Variants in SGCD observed in about 807,000 individuals in gnomAD.
SGCD encodes the protein sarcoglycan delta.
SGCD carries 18 observed loss-of-function variants against 36.6 expected under a neutral mutation model. The ratio of observed to expected loss-of-function variants is 0.49; its 90% CI spans 0.34 to 0.73. The LOEUF (loss-of-function observed/expected upper bound fraction) is 0.73, where lower values mean the gene tolerates loss of function less well. Among genes scored for constraint, SGCD ranks in the 30% least tolerant of loss-of-function variants. The probability of loss-of-function intolerance (pLI) is 0.01; values close to 1 mark genes in which losing one functional copy is unlikely to be tolerated. For synonymous variants in SGCD, 133 were observed against 130.6 expected (o/e 1.02, Z -0.12); for missense variants, 387 against 346.7 (o/e 1.12, Z -0.92).
intron 1 of SGCD, among the ~76,000 whole-genome samples, chr5:155,933,376 T>C (rs896942070): frequency 1.3e-5 from 2 of 152,238 alleles, no homozygotes; most frequent in African/African-American, 4.8e-5. Flanking sequence ...ACTGCAATGC[T>C]CAATTACTTG....
At chr5:156,407,927 C>A (rs1269795089) in intron 3 of SGCD, among the ~76,000 whole-genome samples, 3 of 152,078 alleles carry the variant, frequency 2.0e-5, no homozygotes, top group Admixed American at 6.5e-5. Context: ...ATGGTGTTGT[C>A]CTTAACATAT....
At chr5:156,732,991 CTA>C (rs1043219133) in intron 7 of SGCD, among the ~76,000 whole-genome samples, 3 of 151,922 alleles carry the variant, frequency 2.0e-5, no homozygotes, top group African/African-American at 7.3e-5. Flanking sequence ...AGCAGTCTAC[CTA>C]TGTTATTAAT....
chr5:156,119,051 C>T (rs1157891868), intron 2 of SGCD, among the ~76,000 whole-genome samples: 1 of 152,126 alleles, frequency 6.6e-6, no homozygotes, highest in African/African-American at 2.4e-5. Context: ...TGACTTGGTG[C>T]TGGGTATACA....
At chr5:156,625,367 G>C (rs1762402036) in intron 6 of SGCD, among the ~76,000 whole-genome samples, 1 of 152,072 alleles carries the variant, frequency 6.6e-6, no homozygotes. Flanking sequence ...AAAAAGTCGT[G>C]ATAAAATAAT....
At chr5:155,862,505 A>T in the SGCD span, among the ~76,000 whole-genome samples, 3 of 151,916 alleles carry the variant, frequency 2.0e-5, no homozygotes, top group Admixed American at 2.0e-4. Flanking sequence ...TTTTTATTTT[A>T]TTTTATTTTT....
chr5:156,566,403 A>G (rs1212246525), intron 4 of SGCD, among the ~76,000 whole-genome samples: 1 of 152,180 alleles, frequency 6.6e-6, no homozygotes, highest in Non-Finnish European at 1.5e-5. Flanking sequence ...AGGCCCCAGC[A>G]TGTCATCAAA....
intron 1 of SGCD, among the ~76,000 whole-genome samples, chr5:156,036,479 C>G (rs1038870701): frequency 6.6e-6 from 1 of 152,148 alleles, no homozygotes; most frequent in Admixed American, 6.6e-5. Context: ...TTCCCCTTAT[C>G]TAAGGTCTAT....
At chr5:155,902,091 T>G (rs1215178206) in intron 1 of SGCD, among the ~76,000 whole-genome samples, 1 of 152,236 alleles carries the variant, frequency 6.6e-6, no homozygotes, top group Non-Finnish European at 1.5e-5. Context: ...GGTCAAGGCC[T>G]AACATTCTAA....
chr5:155,769,264 G>T, the SGCD span, among the ~76,000 whole-genome samples: 2 of 151,896 alleles, frequency 1.3e-5, no homozygotes, highest in Non-Finnish European at 2.9e-5. Context: ...ACTGTGAGGA[G>T]GCTATTGTGG....
intron 2 of SGCD, among the ~76,000 whole-genome samples, chr5:156,336,115 T>C (rs754749970): frequency 7.2e-5 from 11 of 152,334 alleles, no homozygotes; most frequent in Non-Finnish European, 1.3e-4. Context: ...GTGCCCAAGC[T>C]AATTTTCAAA....
At chr5:156,607,853 C>G (rs541909245) in intron 6 of SGCD, among the ~76,000 whole-genome samples, 18 of 152,258 alleles carry the variant, frequency 1.2e-4, no homozygotes, top group African/African-American at 4.3e-4. Context: ...ATATTATTCT[C>G]TGATGGTAGT....
chr5:156,549,323 G>A (rs534628463), intron 4 of SGCD, among the ~76,000 whole-genome samples: 99 of 152,312 alleles, frequency 6.5e-4, no homozygotes, highest in African/African-American at 2.3e-3. Flanking sequence ...CAGCCTAGAT[G>A]TGAACATGGT....
chr5:156,158,876 G>T (rs542268492), intron 3 of SGCD, among the ~76,000 whole-genome samples: 1 of 151,474 alleles, frequency 6.6e-6, no homozygotes, highest in East Asian at 1.9e-4. Context: ...AGCTTTGACT[G>T]CAAATCTCAG....
At chr5:156,539,775 C>A (rs1033213940) in intron 4 of SGCD, among the ~76,000 whole-genome samples, 1 of 152,000 alleles carries the variant, frequency 6.6e-6, no homozygotes, top group Admixed American at 6.6e-5. Flanking sequence ...AGAGGATACC[C>A]AGTAGTGGGA....
intron 2 of SGCD, among the ~76,000 whole-genome samples, chr5:156,121,525 G>A (rs1280546640): frequency 2.6e-5 from 4 of 152,054 alleles, no homozygotes; most frequent in Non-Finnish European, 4.4e-5. Context: ...CTGAGGATAA[G>A]GGAGCCTTTT....
chr5:156,191,730 C>T (rs988775916), intron 3 of SGCD, among the ~76,000 whole-genome samples: 1 of 152,076 alleles, frequency 6.6e-6, no homozygotes, highest in African/African-American at 2.4e-5. Flanking sequence ...GAGAGACATT[C>T]AAGCTGTCAA....
rs77529612 is a variant in SGCD at position 156,319,810 on chromosome 5, A to G, written c.-43-9724A>G. 4.2e-3 allele frequency among the ~76,000 whole-genome samples: 642 copies of G among 152,312 alleles called. 7 individuals carry two copies. The highest frequency in any genetic ancestry group is 0.015 in the African/African-American group (608 of 41,572). On this transcript the variant is annotated intron_variant, in intron 3 of 9. Transcript: ENST00000517913. ...TAATGAAAAGGTTGGACTTGATGAC[A>G]TATTATTTCCTTTTACATCAGAATA... is the stretch of plus-strand genomic sequence containing the variant.
chr5:155,907,670 A>T (rs1756547829), intron 1 of SGCD, among the ~76,000 whole-genome samples: 1 of 152,156 alleles, frequency 6.6e-6, no homozygotes, highest in Non-Finnish European at 1.5e-5. Flanking sequence ...CTACAGTCTC[A>T]TGCTAAAACT....
intron 7 of SGCD, among the ~76,000 whole-genome samples, chr5:156,727,489 A>G (rs1261695754): frequency 6.6e-6 from 1 of 152,262 alleles, no homozygotes; most frequent in Non-Finnish European, 1.5e-5. Context: ...CTTCTGGTCA[A>G]TTGTTAAAAA....
Sources: allele counts gnomAD v4.1 joint callset (sites outside exome capture counted in the v4.1 genomes callset), GRCh38; gene constraint gnomAD v4.1.1; transcripts MANE v1.5; gene names NCBI Gene and HGNC (gene_info 2026-07-23, HGNC 2026-07-21).